Variants in ITPR2 observed in about 807,000 individuals in gnomAD.
ITPR2 encodes inositol 1,4,5-trisphosphate receptor type 2, also known as inositol 1,4,5-trisphosphate-gated calcium channel ITPR2.
ITPR2 carries 207 observed loss-of-function variants against 317.1 expected under a neutral mutation model. That is an observed-to-expected ratio of 0.65 (90% CI 0.58 to 0.73). ITPR2 has a LOEUF of 0.73. Ranked by LOEUF, ITPR2 falls within the 30% of genes least tolerant of loss-of-function variation. The probability of loss-of-function intolerance (pLI) is 0.00; values close to 1 mark genes in which losing one functional copy is unlikely to be tolerated. For synonymous variants in ITPR2, 1,156 were observed against 1,149.1 expected, an observed-to-expected ratio of 1.01 and a Z score of -0.12; for missense variants, 2,613 against 3,284.0, an observed-to-expected ratio of 0.80 and a Z score of 4.99.
chr12:26,560,869 A>G (rs1269171177), intron 35 of ITPR2, among the ~76,000 whole-genome samples: 1 of 152,168 alleles, frequency 6.6e-6, no homozygotes, highest in East Asian at 1.9e-4. Context: ...GCCATTTTGT[A>G]GAAAAAAAAC....
At chr12:26,465,509 T>C (rs1017804160) in intron 45 of ITPR2, among the ~76,000 whole-genome samples, 1 of 152,104 alleles carries the variant, frequency 6.6e-6, no homozygotes, top group Non-Finnish European at 1.5e-5. Flanking sequence ...GGGCTAGAGG[T>C]TTTTTTAAAG....
intron 2 of ITPR2, among the ~76,000 whole-genome samples, chr12:26,752,012 A>G (rs1315900782): frequency 1.3e-5 from 2 of 152,174 alleles, no homozygotes; most frequent in Non-Finnish European, 2.9e-5. Context: ...TGCATATACA[A>G]AATTAACAAT....
At chr12:26,463,682 AAAAC>A (rs201441056) in intron 45 of ITPR2, among the ~76,000 whole-genome samples, 3 of 94,562 alleles carry the variant, frequency 3.2e-5, no homozygotes, top group African/African-American at 8.8e-5. Context: ...CAAAACACAA[AAAAC>A]AAACAAACAA....
At chr12:26,524,204 C>A (rs1943746030) in intron 37 of ITPR2, among the ~76,000 whole-genome samples, 1 of 152,200 alleles carries the variant, frequency 6.6e-6, no homozygotes, top group Non-Finnish European at 1.5e-5. Flanking sequence ...AATAGTATCT[C>A]TGCCATTTCA....
rs1232430730 is a variant in ITPR2, at chr12:26,339,669, C to T, written c.8020-186G>A. ...ATAAACAGAGAAAAAGAGCAAACCCCTCTGTGTGGTTAGGAAGCAGGAGCC... is the reference window on the plus strand; with the variant it reads ...ATAAACAGAGAAAAAGAGCAAACCCTTCTGTGTGGTTAGGAAGCAGGAGCC... On this transcript the variant is annotated intron_variant, in intron 56 of 56. Coordinates refer to ENST00000381340, the MANE Select transcript of ITPR2 (RefSeq NM_002223.4). Among the ~76,000 whole-genome samples the T allele has an allele frequency of 5.3e-5, 8 of 152,262 alleles. No individual in the cohort carries two copies. In the South Asian group the frequency reaches 6.2e-4, roughly 12 times the overall value.
At chr12:26,794,488 T>C (rs1950396367) in intron 1 of ITPR2, among the ~76,000 whole-genome samples, 1 of 152,114 alleles carries the variant, frequency 6.6e-6, no homozygotes, top group Non-Finnish European at 1.5e-5. Context: ...CTGGCTTCAA[T>C]CTATAGAAAT....
intron 2 of ITPR2, among the ~76,000 whole-genome samples, chr12:26,772,359 T>A (rs1293471275): frequency 6.8e-6 from 1 of 146,476 alleles, no homozygotes; most frequent in Non-Finnish European, 1.5e-5. Flanking sequence ...ATCTTTTGAT[T>A]TAGCCCTTAT....
In ITPR2 at chr12:26,628,062, C is replaced by G. The variant is rs1191259491; in HGVS notation, c.3035G>C (p.Ser1012Thr). The change falls in exon 23 of 57, where the codon AGT (serine) becomes ACT (threonine). Residue 1012 changes from serine (S) to threonine (T), a missense_variant. Ser to Thr is a moderately conservative substitution (Grantham distance 58). This residue lies in a region of ITPR2 where 817 missense variants were observed against 897.6 expected (regional missense o/e 0.91). Coordinates refer to ENST00000381340, the MANE Select transcript of ITPR2 (RefSeq NM_002223.4). ...EDNDNAETSASGSPDTLLPSA... is the reference protein window; with the variant it reads ...EDNDNAETSATGSPDTLLPSA... Reference sequence around the variant, plus strand: ...TGGTAGTAAAGTGTCTGGAGATCCACTGGCAGATGTCTCCGCATTGTCATT... The same window carrying G: ...TGGTAGTAAAGTGTCTGGAGATCCAGTGGCAGATGTCTCCGCATTGTCATT... 3.1e-6 allele frequency: 5 copies of G among 1,612,948 alleles called. No homozygotes were observed. The South Asian group carries it at 4.4e-5, about 14-fold the overall frequency.
chr12:26,431,264 T>C (rs1010651488), intron 48 of ITPR2, among the ~76,000 whole-genome samples: 20 of 152,310 alleles, frequency 1.3e-4, no homozygotes, highest in African/African-American at 4.6e-4. Flanking sequence ...ACTATCTTGG[T>C]ATAAGACATT....
intron 35 of ITPR2, 96 bp from the exon 36 acceptor site, chr12:26,556,471 A>G (rs1944663354): frequency 1.1e-5 from 12 of 1,142,076 alleles, no homozygotes; most frequent in Non-Finnish European, 1.1e-5. Context: ...TGGGAATTTT[A>G]TAGATGCCCC....
intron 26 of ITPR2, among the ~76,000 whole-genome samples, chr12:26,608,527 C>T (rs1480565263): frequency 6.6e-6 from 1 of 151,514 alleles, no homozygotes; most frequent in African/African-American, 2.4e-5. Flanking sequence ...TGCTTGGCCG[C>T]CCCACTCGCT....
chr12:26,418,973 T>A, intron 50 of ITPR2, 76 bp downstream of exon 50: 1 of 1,228,186 alleles, frequency 8.1e-7, no homozygotes, highest in South Asian at 2.1e-5. Flanking sequence ...AAAAAAAAAA[T>A]CAAAGGAAGA....
chr12:26,515,434 A>G (rs1043525648), intron 37 of ITPR2, among the ~76,000 whole-genome samples: 2 of 152,160 alleles, frequency 1.3e-5, no homozygotes, highest in Admixed American at 1.3e-4. Context: ...TTAAACTGCT[A>G]TTCCTTAAGG....
intron 37 of ITPR2, among the ~76,000 whole-genome samples, chr12:26,531,231 C>T (rs575301678): frequency 1.3e-5 from 2 of 152,320 alleles, no homozygotes; most frequent in South Asian, 2.1e-4. Context: ...GTGAGAAGTA[C>T]AAACACGCAT....
chr12:26,763,685 G>A (rs932640029), intron 2 of ITPR2, among the ~76,000 whole-genome samples: 2 of 152,046 alleles, frequency 1.3e-5, no homozygotes, highest in Non-Finnish European at 2.9e-5. Flanking sequence ...CTGGTAATGG[G>A]AATTTGGAGA....
At chr12:26,442,401 G>A (rs1398079104) in intron 46 of ITPR2, among the ~76,000 whole-genome samples, 1 of 152,060 alleles carries the variant, frequency 6.6e-6, no homozygotes, top group Non-Finnish European at 1.5e-5. Flanking sequence ...CTGAATGTGT[G>A]TATTTATAGC....
intron 37 of ITPR2, 75 bp from the exon 38 acceptor site, chr12:26,495,335 T>G: frequency 1.3e-6 from 1 of 766,984 alleles, no homozygotes; most frequent in Non-Finnish European, 2.1e-6. Context: ...GTTAAATGCT[T>G]TAAATGCATT....
rs777714991 is a variant in ITPR2, at chr12:26,656,336, C to A, written c.2405G>T (p.Arg802Met). The A allele has an allele frequency of 6.2e-7, 1 of 1,614,174 alleles. No homozygotes were observed. Among genetic ancestry groups the A allele is most frequent in the Non-Finnish European group, 8.5e-7 (1 of 1,180,036 alleles). The change falls in exon 19 of 57, where the codon AGG becomes ATG. Residue 802 changes from arginine to methionine, a missense_variant. Physicochemically the swap from Arg to Met is moderately conservative, Grantham distance 91. Coordinates refer to ENST00000381340, the MANE Select transcript of ITPR2 (RefSeq NM_002223.4). ...CTTTGTGGGGATTTCTGTCCAGAGCCTGGCATAGCGAACAGGCACCACGGA... is the reference window on the plus strand; with the variant it reads ...CTTTGTGGGGATTTCTGTCCAGAGCATGGCATAGCGAACAGGCACCACGGA... ...QESVVPVRYA[R>M]LWTEIPTKIT...
intron 2 of ITPR2, among the ~76,000 whole-genome samples, chr12:26,784,436 G>A (rs1317909795): frequency 4.1e-5 from 6 of 147,826 alleles, no homozygotes; most frequent in African/African-American, 7.5e-5. Flanking sequence ...ATCTCGGCTC[G>A]CTGCAGCCTC....
Sources: gnomAD v4.1 joint callset for allele counts (sites outside exome capture counted in the v4.1 genomes callset) on GRCh38, gnomAD v4.1.1 for gene constraint, gnomAD v4.1.1 regional missense constraint, MANE v1.5 for transcripts, NCBI Gene and HGNC (gene_info 2026-07-23, HGNC 2026-07-21) for gene names.